TRIM54: variants seen among roughly 807,000 people sequenced by gnomAD.
The protein encoded by TRIM54 is tripartite motif containing 54, also known as tripartite motif-containing protein 54.
A neutral mutation model predicts 42.0 loss-of-function variants in TRIM54; 40 were observed. The ratio of observed to expected loss-of-function variants is 0.95; its 90% CI spans 0.74 to 1.24. TRIM54 has a LOEUF of 1.24. TRIM54 is among the 50% of genes most tolerant of loss of function. TRIM54 has a pLI of 0.00. For missense variants in TRIM54, 485 were observed against 480.3 expected (o/e 1.01, Z -0.09); for synonymous variants, 199 against 194.9 (o/e 1.02, Z -0.17).
At chr2:27,305,490 C>G in intron 4 of TRIM54, 94 bp from the exon 5 acceptor site, 1 of 1,028,394 alleles carries the variant, frequency 9.7e-7, no homozygotes, top group Non-Finnish European at 1.4e-6. Flanking sequence ...ACGGATGGGT[C>G]ACTTTCTGTG....
In TRIM54 at chr2:27,294,908, A is replaced by G. The variant is rs1054027811; in HGVS notation, c.169-3659A>G. ...CCATCTCAAAAAAAAAAAAAAAAAAAAAGAGTATTACCTACTTCAGGGTTG... is the reference window on the plus strand; with the variant it reads ...CCATCTCAAAAAAAAAAAAAAAAAAGAAGAGTATTACCTACTTCAGGGTTG... On this transcript the variant is annotated intron_variant, in intron 1 of 8. Transcript: ENST00000380075. Among the ~76,000 whole-genome samples, 5 of 151,542 alleles carry G rather than the reference A, an allele frequency of 3.3e-5. No individual in the cohort carries two copies. In the South Asian group the frequency reaches 1.0e-3, roughly 32 times the overall value.
intron 3 of TRIM54, among the ~76,000 whole-genome samples, chr2:27,304,518 C>T (rs116327649): frequency 3.7e-3 from 554 of 149,212 alleles, no homozygotes; most frequent in African/African-American, 0.013. Context: ...AAAAACAGAA[C>T]GTGCAGTTCT....
At position 27,297,648 on chromosome 2, in the gene TRIM54, T is replaced by C. The variant is rs552265117; in HGVS notation, c.169-919T>C. ...GGCACACTATAAATGAATAATTTTA[T>C]CCTCAGCTTTACAGAGGTTGAATAC... is the stretch of plus-strand genomic sequence containing the variant. On this transcript the variant is annotated intron_variant, in intron 1 of 8. Coordinates refer to ENST00000380075, the MANE Select transcript of TRIM54 (RefSeq NM_187841.3). 3.3e-4 allele frequency among the ~76,000 whole-genome samples: 50 copies of C among 152,214 alleles called. 1 individual carries two copies. Among genetic ancestry groups the C allele is most frequent in the Non-Finnish European group, 1.6e-4 (11 of 68,036 alleles).
chr2:27,286,391 A>G (rs1366075820), intron 1 of TRIM54, among the ~76,000 whole-genome samples: 1 of 152,134 alleles, frequency 6.6e-6, no homozygotes, highest in Admixed American at 6.5e-5. Context: ...TTGAAACAGA[A>G]TGAAACACCA....
intron 3 of TRIM54, 90 bp from the exon 4 acceptor site, chr2:27,304,869 C>A: frequency 8.7e-7 from 1 of 1,152,836 alleles, no homozygotes; most frequent in Non-Finnish European, 1.3e-6. Context: ...GGTGGAAGGG[C>A]CAGCCCTCTC....
In TRIM54 at chr2:27,302,232, C is replaced by T. The variant is rs1291700853; in HGVS notation, c.514-2727C>T. Among the ~76,000 whole-genome samples, 5 of 151,526 alleles carry T rather than the reference C, an allele frequency of 3.3e-5. No homozygotes were observed. The East Asian group carries it at 5.8e-4, about 18-fold the overall frequency. ...TTGGGAGGCCAAAGTGGGTGGATCA[C>T]GAGGTCAGGAGATCGGGACCATCCT... On this transcript the variant is annotated intron_variant, in intron 3 of 8. Coordinates refer to ENST00000380075, the MANE Select transcript of TRIM54 (RefSeq NM_187841.3).
At position 27,307,377 on chromosome 2, in the gene TRIM54, C is replaced by G; in HGVS notation, c.*492C>G. On this transcript the variant is annotated 3_prime_UTR_variant, in exon 9 of 9. Coordinates refer to ENST00000380075, the MANE Select transcript of TRIM54 (RefSeq NM_187841.3). The surrounding 1 kb of genome is among the most constrained non-coding windows in gnomAD (Gnocchi z 6.9). ...GGGTTCCCACGCTGCTGTGACTGCC[C>G]TGCCTCTACGACAAAAGCCAACGGG... is the stretch of plus-strand genomic sequence containing the variant. 1.4e-6 allele frequency: 2 copies of G among 1,383,782 alleles called. No individual in the cohort carries two copies. Among genetic ancestry groups the G allele is most frequent in the East Asian group, 5.3e-5 (2 of 37,924 alleles). The allele number at this position is 1,383,782 out of a possible 1,614,324, so 85.7% of individuals were successfully genotyped here. A position where few individuals can be genotyped will look rare whatever the true frequency, so the allele number is the denominator to read the frequency against.
chr2:27,306,188 A>C lies in TRIM54; in HGVS notation c.867-25A>C. On this transcript the variant is annotated intron_variant, in intron 6 of 8. Coordinates refer to ENST00000380075, the MANE Select transcript of TRIM54 (RefSeq NM_187841.3). This position sits in a 1 kb window ranked among gnomAD's most constrained non-coding sequence, Gnocchi z 6.1. ...GGCTTGAGAGTGCTGGGGCATTGCC[A>C]GCTGAGTCCGTGTGGCCACTGCAGG... 1 of 1,613,816 alleles carries C rather than the reference A, an allele frequency of 6.2e-7. No homozygotes were observed. Among genetic ancestry groups the C allele is most frequent in the Non-Finnish European group, 8.5e-7 (1 of 1,179,948 alleles).
At chr2:27,299,716 C>CTATCT in intron 3 of TRIM54, 16 of 609,996 alleles carry the variant, frequency 2.6e-5, no homozygotes, top group East Asian at 8.3e-5. Flanking sequence ...ATCTATCTAT[C>CTATCT]ATATTTTGAG....
At chr2:27,304,119 G>A (rs1025357167) in intron 3 of TRIM54, among the ~76,000 whole-genome samples, 12 of 151,794 alleles carry the variant, frequency 7.9e-5, no homozygotes, top group African/African-American at 2.7e-4. Context: ...GGCTGAGGTG[G>A]GAGGATCACC....
intron 1 of TRIM54, among the ~76,000 whole-genome samples, chr2:27,292,950 T>G (rs764116043): frequency 4.6e-5 from 7 of 152,230 alleles, no homozygotes; most frequent in Non-Finnish European, 8.8e-5. Context: ...AAATGTGGAT[T>G]TTTTTTCTGT....
chr2:27,306,418 G>T lies in TRIM54; in HGVS notation c.992-38G>T. On this transcript the variant is annotated intron_variant, in intron 7 of 8. Transcript: ENST00000380075. The surrounding 1 kb of genome is among the most constrained non-coding windows in gnomAD (Gnocchi z 6.1). ...TGCGGCGGGCACGATGGCCGTAAAG[G>T]CAGGGACTCCACCTCACCAGGCCTT... is the stretch of plus-strand genomic sequence containing the variant. 1 of 1,610,394 alleles carries T rather than the reference G, an allele frequency of 6.2e-7. No individual in the cohort carries two copies.
At chr2:27,296,296 C>A (rs771345131) in intron 1 of TRIM54, among the ~76,000 whole-genome samples, 5 of 152,138 alleles carry the variant, frequency 3.3e-5, no homozygotes, top group Non-Finnish European at 5.9e-5. Context: ...TTCATGCATC[C>A]CAGTTGTAGG....
chr2:27,306,958 T>C lies in TRIM54; in HGVS notation c.*73T>C, dbSNP rs1031148712. 3.1e-5 allele frequency: 8 copies of C among 256,178 alleles called. No homozygotes were observed. Among genetic ancestry groups the C allele is most frequent in the Non-Finnish European group, 5.2e-5 (7 of 133,444 alleles). The allele number at this position is 256,178 out of a possible 1,614,324, so 15.9% of individuals were successfully genotyped here. ...GAGGATCTGCGCAGAGACCGCAGCA[T>C]CACCCAAATCGGCGCCGGCCCCGGG... On this transcript the variant is annotated 3_prime_UTR_variant, in exon 9 of 9. Coordinates refer to ENST00000380075, the MANE Select transcript of TRIM54 (RefSeq NM_187841.3). The surrounding 1 kb of genome is among the most constrained non-coding windows in gnomAD (Gnocchi z 6.1).
chr2:27,287,809 G>A (rs987434567), intron 1 of TRIM54, among the ~76,000 whole-genome samples: 14 of 152,244 alleles, frequency 9.2e-5, no homozygotes, highest in African/African-American at 2.2e-4. Flanking sequence ...GGTTATAGGC[G>A]TGAGCCACTG....
At chr2:27,299,724 G>T (rs1678979055) in intron 3 of TRIM54, 5 of 531,974 alleles carry the variant, frequency 9.4e-6, no homozygotes, top group African/African-American at 2.2e-5. Context: ...ATCATATTTT[G>T]AGATGGAGTC....
At chr2:27,304,277 T>G (rs930037188) in intron 3 of TRIM54, among the ~76,000 whole-genome samples, 15 of 142,828 alleles carry the variant, frequency 1.1e-4, no homozygotes, top group Non-Finnish European at 7.6e-5. Flanking sequence ...TATATATATA[T>G]AGATAGATAG....
Position 27,306,045 on chromosome 2 carries a change from A to C in TRIM54, c.844-35A>C, listed in dbSNP as rs201289532. 5.6e-6 allele frequency: 9 copies of C among 1,613,188 alleles called. No individual in the cohort carries two copies. In the Admixed American group the frequency reaches 1.3e-4, roughly 24 times the overall value. On this transcript the variant is annotated intron_variant, in intron 5 of 8. Coordinates refer to ENST00000380075, the MANE Select transcript of TRIM54 (RefSeq NM_187841.3). This position sits in a 1 kb window ranked among gnomAD's most constrained non-coding sequence, Gnocchi z 6.1. ...AATGGGACTTTGCCCAGGTTGGCCC[A>C]GTGCTTACTCTCACCCTCCTTTTCT... is the stretch of plus-strand genomic sequence containing the variant.
In TRIM54 at chr2:27,306,556, G is replaced by C. The variant is rs2148207768; in HGVS notation, c.*1+14G>C. 6.5e-7 allele frequency: 1 copy of C among 1,534,126 alleles called. No individual in the cohort carries two copies. Reference sequence around the variant, plus strand: ...ATGGGCCTTAAGGTGAGAGCCGCCCGATGGGCCTTAAGGTGAGAGCGGCCT... The same window carrying C: ...ATGGGCCTTAAGGTGAGAGCCGCCCCATGGGCCTTAAGGTGAGAGCGGCCT... On this transcript the variant is annotated intron_variant, in intron 8 of 8. Coordinates refer to ENST00000380075, the MANE Select transcript of TRIM54 (RefSeq NM_187841.3). The surrounding 1 kb of genome is among the most constrained non-coding windows in gnomAD (Gnocchi z 6.1).
Sources: allele counts gnomAD v4.1 joint callset (sites outside exome capture counted in the v4.1 genomes callset), GRCh38; gene constraint gnomAD v4.1.1; non-coding constraint Gnocchi (gnomAD v3.1); transcripts MANE v1.5; gene names NCBI Gene and HGNC (gene_info 2026-07-23, HGNC 2026-07-21).